The following PSD3 variants were observed in gnomAD, a reference collection of about 807,000 sequenced individuals.
PSD3 encodes the protein PH and SEC7 domain-containing protein 3.
In PSD3, 49 loss-of-function variants were observed where a neutral mutation model predicts 105.5. The ratio of observed to expected loss-of-function variants is 0.46; its 90% CI spans 0.37 to 0.59. PSD3 has a LOEUF of 0.59. Among genes scored for constraint, PSD3 ranks in the 20% least tolerant of loss-of-function variants. PSD3 has a pLI of 0.00. For synonymous variants in PSD3, 557 were observed against 457.8 expected, an observed-to-expected ratio of 1.22 and a Z score of -2.77; for missense variants, 1,561 against 1,263.8, an observed-to-expected ratio of 1.24 and a Z score of -3.57.
intron 1 of PSD3, among the ~76,000 whole-genome samples, chr8:18,943,272 C>T (rs536582624): frequency 3.3e-5 from 5 of 152,044 alleles, no homozygotes; most frequent in Non-Finnish European, 7.3e-5. Flanking sequence ...GGAAGGGAGA[C>T]GTCCAGTGTA....
At chr8:18,874,538 A>G (rs932948390) in intron 2 of PSD3, among the ~76,000 whole-genome samples, 2 of 151,762 alleles carry the variant, frequency 1.3e-5, no homozygotes, top group Non-Finnish European at 2.9e-5. Flanking sequence ...ATGTCTGTGT[A>G]TATATATACA....
intron 12 of PSD3, among the ~76,000 whole-genome samples, chr8:18,581,751 C>A (rs1051834053): frequency 1.3e-5 from 2 of 152,228 alleles, no homozygotes; most frequent in Non-Finnish European, 2.9e-5. Flanking sequence ...CTCATCCACA[C>A]TGTCAGGACA....
chr8:18,631,644 T>C (rs1040458900), intron 11 of PSD3, among the ~76,000 whole-genome samples: 5 of 151,888 alleles, frequency 3.3e-5, no homozygotes, highest in Non-Finnish European at 7.4e-5. Flanking sequence ...TGATACAATG[T>C]TGTGGGATAA....
chr8:18,762,904 A>G (rs1222116659), intron 9 of PSD3: 2 of 1,264,538 alleles, frequency 1.6e-6, no homozygotes, highest in African/African-American at 1.5e-5. Context: ...TTATACTTTT[A>G]TTTCAACATG....
intron 12 of PSD3, among the ~76,000 whole-genome samples, chr8:18,589,402 A>G (rs1249757284): frequency 6.6e-6 from 1 of 152,146 alleles, no homozygotes; most frequent in Non-Finnish European, 1.5e-5. Context: ...AGCTAACTCC[A>G]TATCTCTTTC....
chr8:18,915,270 G>A (rs1820508890), intron 2 of PSD3, among the ~76,000 whole-genome samples: 1 of 152,088 alleles, frequency 6.6e-6, no homozygotes, highest in Non-Finnish European at 1.5e-5. Context: ...AAGGCTTCTT[G>A]ACACTCGTCT....
intron 1 of PSD3, among the ~76,000 whole-genome samples, chr8:18,959,315 C>A (rs1356729708): frequency 6.6e-6 from 1 of 152,118 alleles, no homozygotes; most frequent in Non-Finnish European, 1.5e-5. Context: ...CCCTTCCGAA[C>A]ATCCAAAGCC....
intron 1 of PSD3, among the ~76,000 whole-genome samples, chr8:18,982,963 T>C (rs1003520727): frequency 2.6e-5 from 4 of 152,238 alleles, no homozygotes; most frequent in African/African-American, 9.6e-5. Flanking sequence ...GACTTCTCTG[T>C]AGCTATGTAA....
At chr8:18,770,471 A>G (rs955316613) in intron 8 of PSD3, among the ~76,000 whole-genome samples, 7 of 152,046 alleles carry the variant, frequency 4.6e-5, no homozygotes, top group South Asian at 2.1e-4. Flanking sequence ...TTGAAGCAGG[A>G]TATTTCCCTG....
intron 1 of PSD3, among the ~76,000 whole-genome samples, chr8:19,047,127 G>C (rs1828347919): frequency 6.6e-6 from 1 of 152,172 alleles, no homozygotes; most frequent in African/African-American, 2.4e-5. Flanking sequence ...CTCTTTGCAG[G>C]AAGCAGAAAC....
At chr8:18,623,910 T>C (rs1806301702) in intron 11 of PSD3, among the ~76,000 whole-genome samples, 1 of 152,208 alleles carries the variant, frequency 6.6e-6, no homozygotes, top group African/African-American at 2.4e-5. Flanking sequence ...ACGTGCAGAT[T>C]CTTCTGCAAG....
chr8:18,551,368 A>C (rs998124180), intron 15 of PSD3, among the ~76,000 whole-genome samples: 13 of 152,220 alleles, frequency 8.5e-5, no homozygotes, highest in African/African-American at 3.1e-4. Flanking sequence ...GTGCTTCCAG[A>C]TATGAATGGT....
At chr8:18,817,456 T>A (rs1429091390) in intron 4 of PSD3, among the ~76,000 whole-genome samples, 1 of 152,226 alleles carries the variant, frequency 6.6e-6, no homozygotes, top group African/African-American at 2.4e-5. Flanking sequence ...GTGATTTTTC[T>A]AAGGCTGAAT....
chr8:18,851,960 C>A (rs1586224329), intron 4 of PSD3, among the ~76,000 whole-genome samples: 1 of 152,284 alleles, frequency 6.6e-6, no homozygotes, highest in East Asian at 1.9e-4. Context: ...ACAGTCTACA[C>A]TGGAAAGTGG....
chr8:18,726,880 A>C (rs924924343), intron 9 of PSD3, among the ~76,000 whole-genome samples: 7 of 152,306 alleles, frequency 4.6e-5, no homozygotes, highest in African/African-American at 1.4e-4. Context: ...CCATCTAGGA[A>C]ATTTTCTTTA....
chr8:18,571,373 C>G (rs1327170993), intron 14 of PSD3, among the ~76,000 whole-genome samples: 2 of 54,842 alleles, frequency 3.6e-5, no homozygotes, highest in African/African-American at 1.6e-4. Flanking sequence ...CCTCTGATGG[C>G]TCTTTTTCCT....
At chr8:19,013,235 C>G (rs1225167397) in intron 1 of PSD3, among the ~76,000 whole-genome samples, 2 of 151,368 alleles carry the variant, frequency 1.3e-5, no homozygotes, top group African/African-American at 4.9e-5. Context: ...TACAAGCTGA[C>G]CGGGCAAAGA....
chr8:18,808,942 G>C (rs1019548886), intron 4 of PSD3: 6 of 1,452,930 alleles, frequency 4.1e-6, no homozygotes, highest in Non-Finnish European at 5.4e-6. Context: ...TCTCAGCCGA[G>C]TGTTCATTGT....
intron 2 of PSD3, among the ~76,000 whole-genome samples, chr8:18,921,954 T>C (rs185808149): frequency 6.6e-6 from 1 of 152,346 alleles, no homozygotes; most frequent in Non-Finnish European, 1.5e-5. Flanking sequence ...TCTGGATTTT[T>C]ACATGAAATC....
Sources: gnomAD v4.1 joint callset for allele counts (sites outside exome capture counted in the v4.1 genomes callset) on GRCh38, gnomAD v4.1.1 for gene constraint, MANE v1.5 for transcripts, NCBI Gene and HGNC (gene_info 2026-07-23, HGNC 2026-07-21) for gene names.